Variants in MAGI2 observed in about 807,000 individuals in gnomAD.
The protein encoded by MAGI2 is membrane-associated guanylate kinase, WW and PDZ domain-containing protein 2.
A neutral mutation model predicts 133.3 loss-of-function variants in MAGI2; 35 were observed. The ratio of observed to expected loss-of-function variants is 0.26; its 90% CI spans 0.20 to 0.35. The LOEUF is 0.35. Ranked by LOEUF, MAGI2 falls within the 10% of genes least tolerant of loss-of-function variation. The pLI is 1.00. For synonymous variants in MAGI2, 729 were observed against 710.6 expected (o/e 1.03, Z -0.41); for missense variants, 1,636 against 1,863.4 (o/e 0.88, Z 2.25).
chr7:78,577,994 T>C (rs1039980917), intron 3 of MAGI2, among the ~76,000 whole-genome samples: 3 of 151,600 alleles, frequency 2.0e-5, no homozygotes, highest in Admixed American at 2.0e-4. Flanking sequence ...TGTTTTGGGG[T>C]TCATTAATAT....
intron 7 of MAGI2, chr7:78,352,917 A>G (rs989634536): frequency 1.3e-5 from 2 of 152,238 alleles, no homozygotes; most frequent in Non-Finnish European, 2.9e-5. Flanking sequence ...ACTAACTCCT[A>G]GCAGACATGG....
intron 2 of MAGI2, among the ~76,000 whole-genome samples, chr7:78,646,092 T>G (rs921246801): frequency 6.6e-6 from 1 of 151,926 alleles, no homozygotes; most frequent in Non-Finnish European, 1.5e-5. Context: ...CCAAGTAAAA[T>G]TGTTATTGCT....
chr7:78,472,319 C>T (rs1383263448), intron 6 of MAGI2, among the ~76,000 whole-genome samples: 2 of 151,934 alleles, frequency 1.3e-5, no homozygotes, highest in Non-Finnish European at 2.9e-5. Context: ...TATACATATA[C>T]CATACACAAA....
At chr7:78,646,961 T>C (rs1288700694) in intron 2 of MAGI2, among the ~76,000 whole-genome samples, 1 of 152,234 alleles carries the variant, frequency 6.6e-6, no homozygotes, top group African/African-American at 2.4e-5. Context: ...AGATACAGGC[T>C]ACTTGAATAT....
intron 1 of MAGI2, among the ~76,000 whole-genome samples, chr7:79,040,509 A>G (rs1811559383): frequency 6.8e-6 from 1 of 147,184 alleles, no homozygotes. Context: ...GGATACAAAA[A>G]TACAGTTAGA....
intron 3 of MAGI2, among the ~76,000 whole-genome samples, chr7:78,555,461 C>T (rs961699965): frequency 2.6e-5 from 4 of 152,124 alleles, no homozygotes; most frequent in Non-Finnish European, 1.5e-5. Context: ...ACTATTCTGG[C>T]TGCAAAAGTT....
At chr7:78,360,812 C>T (rs1413551423) in intron 7 of MAGI2, among the ~76,000 whole-genome samples, 1 of 152,164 alleles carries the variant, frequency 6.6e-6, no homozygotes, top group Admixed American at 6.5e-5. Context: ...AGACTGTCTT[C>T]CCCGCCTTCA....
chr7:79,126,017 C>T (rs114909683), intron 1 of MAGI2, among the ~76,000 whole-genome samples: 2,689 of 152,336 alleles, frequency 0.018, 88 homozygotes, highest in African/African-American at 0.061. Context: ...AATTGTATAA[C>T]AGGTTATTTT....
intron 1 of MAGI2, among the ~76,000 whole-genome samples, chr7:79,134,694 G>A (rs1821219182): frequency 6.6e-6 from 1 of 152,098 alleles, no homozygotes. Flanking sequence ...TTGTCAAATT[G>A]CTTTGCAATC....
intron 2 of MAGI2, among the ~76,000 whole-genome samples, chr7:78,748,924 T>C (rs1482901867): frequency 6.6e-6 from 1 of 152,196 alleles, no homozygotes; most frequent in Non-Finnish European, 1.5e-5. Flanking sequence ...AGCATATTCA[T>C]GCTGCTATTA....
chr7:78,444,762 T>TA (rs1378255526), intron 6 of MAGI2, among the ~76,000 whole-genome samples: 1 of 9,762 alleles, frequency 1.0e-4, no homozygotes, highest in African/African-American at 1.8e-4. Context: ...TATGTATGTG[T>TA]TTGTGTATGT....
At chr7:78,620,205 A>C (rs548034127) in intron 3 of MAGI2, among the ~76,000 whole-genome samples, 197 of 152,090 alleles carry the variant, frequency 1.3e-3, no homozygotes, top group African/African-American at 4.3e-3. Flanking sequence ...AGAAATTTGA[A>C]CTGATAGAAG....
chr7:78,841,577 T>A, intron 2 of MAGI2, among the ~76,000 whole-genome samples: 1 of 151,960 alleles, frequency 6.6e-6, no homozygotes. Context: ...AATCTACACA[T>A]CCAATTCAAA....
At chr7:78,390,840 A>G (rs7784121) in intron 6 of MAGI2, among the ~76,000 whole-genome samples, 71,391 of 151,948 alleles carry the variant, frequency 0.47, 17,749 homozygotes, top group Middle Eastern at 0.6. Flanking sequence ...GATGCTATCT[A>G]TCAGACACTG....
chr7:79,200,448 A>T (rs75399902), intron 1 of MAGI2, among the ~76,000 whole-genome samples: 36 of 148,780 alleles, frequency 2.4e-4, no homozygotes, highest in African/African-American at 6.8e-4. Context: ...ACAAAATTAA[A>T]AAAAAAAAAA....
chr7:79,006,967 G>A (rs1020938573), intron 2 of MAGI2, 123 bp downstream of exon 2: 1 of 666,406 alleles, frequency 1.5e-6, no homozygotes, highest in Admixed American at 3.1e-5. Context: ...TCTCAAATAA[G>A]TTTTCTGTTC....
chr7:78,560,378 G>A (rs895036432), intron 3 of MAGI2, among the ~76,000 whole-genome samples: 5 of 152,084 alleles, frequency 3.3e-5, no homozygotes, highest in Non-Finnish European at 5.9e-5. Flanking sequence ...GAGTATTCTG[G>A]AGGTGATAAT....
chr7:78,208,079 A>G (rs933291552), intron 10 of MAGI2, among the ~76,000 whole-genome samples: 4 of 147,550 alleles, frequency 2.7e-5, no homozygotes, highest in Non-Finnish European at 4.4e-5. Context: ...TATCTTGGCC[A>G]GGCTGGTCTC....
intron 2 of MAGI2, among the ~76,000 whole-genome samples, chr7:78,734,029 A>G (rs938952082): frequency 1.3e-5 from 2 of 152,242 alleles, no homozygotes; most frequent in Non-Finnish European, 2.9e-5. Context: ...CATAACAACT[A>G]TATGGATTGA....
Sources: gnomAD v4.1 joint callset for allele counts (sites outside exome capture counted in the v4.1 genomes callset) on GRCh38, gnomAD v4.1.1 for gene constraint, MANE v1.5 for transcripts, NCBI Gene and HGNC (gene_info 2026-07-23, HGNC 2026-07-21) for gene names.